PIGN: variants seen among roughly 807,000 people sequenced by gnomAD.
The protein encoded by PIGN is phosphatidylinositol glycan anchor biosynthesis class N, also known as GPI ethanolamine phosphate transferase 1.
In PIGN, 117 loss-of-function variants were observed where a neutral mutation model predicts 125.4. The observed-to-expected ratio is 0.93, with a 90% CI of 0.80 to 1.09. PIGN has a LOEUF of 1.09. Ranked by LOEUF, PIGN falls within the 50% of genes least tolerant of loss-of-function variation. The probability of loss-of-function intolerance (pLI) is 0.00; values close to 1 mark genes in which losing one functional copy is unlikely to be tolerated. For missense variants in PIGN, 1,075 were observed against 1,094.9 expected (o/e 0.98, Z 0.26); for synonymous variants, 392 against 377.8 (o/e 1.04, Z -0.44).
chr18:62,116,621 G>A (rs575258202), intron 14 of PIGN, among the ~76,000 whole-genome samples: 1 of 152,244 alleles, frequency 6.6e-6, no homozygotes, highest in Non-Finnish European at 1.5e-5. Context: ...TCAGTTAGTG[G>A]TCTAATGATC....
chr18:62,114,928 T>G (rs1251221820), intron 14 of PIGN, among the ~76,000 whole-genome samples: 1 of 152,148 alleles, frequency 6.6e-6, no homozygotes, highest in African/African-American at 2.4e-5. Flanking sequence ...ACAAAGAAAT[T>G]CTGATTAAAT....
chr18:62,089,333 C>T (rs1395366611), intron 24 of PIGN, among the ~76,000 whole-genome samples: 1 of 152,090 alleles, frequency 6.6e-6, no homozygotes, highest in East Asian at 1.9e-4. Flanking sequence ...TTTGGTAGAA[C>T]AGAAAGCCAC....
intron 29 of PIGN, among the ~76,000 whole-genome samples, chr18:62,073,698 C>A (rs2033017926): frequency 6.6e-6 from 1 of 152,172 alleles, no homozygotes; most frequent in African/African-American, 2.4e-5. Context: ...GTACTCTCAT[C>A]TAAACCGAGT....
intron 6 of PIGN, among the ~76,000 whole-genome samples, chr18:62,156,668 A>C (rs1321554387): frequency 6.6e-6 from 1 of 152,210 alleles, no homozygotes; most frequent in East Asian, 1.9e-4. Flanking sequence ...ACTAACTTTT[A>C]AAATAATTTA....
At chr18:62,165,659 G>A (rs1192335333) in intron 1 of PIGN, among the ~76,000 whole-genome samples, 1 of 152,170 alleles carries the variant, frequency 6.6e-6, no homozygotes, top group South Asian at 2.1e-4. Flanking sequence ...GACCTAGAGA[G>A]AGCCACTACT....
intron 1 of PIGN, among the ~76,000 whole-genome samples, chr18:62,175,714 G>C (rs2037502101): frequency 6.6e-6 from 1 of 152,176 alleles, no homozygotes; most frequent in Non-Finnish European, 1.5e-5. Flanking sequence ...GGCAATGACT[G>C]TGTTTCTGTT....
chr18:62,143,867 A>G (rs1449012860), intron 10 of PIGN, among the ~76,000 whole-genome samples: 1 of 152,230 alleles, frequency 6.6e-6, no homozygotes, highest in Non-Finnish European at 1.5e-5. Flanking sequence ...GTCTTCAAAG[A>G]TAGGCTCATT....
chr18:62,179,635 A>G (rs954093023), intron 1 of PIGN, among the ~76,000 whole-genome samples: 4 of 152,106 alleles, frequency 2.6e-5, no homozygotes, highest in Non-Finnish European at 4.4e-5. Flanking sequence ...AGTCCCAGCT[A>G]CTTGTGGGGC....
intron 22 of PIGN, among the ~76,000 whole-genome samples, chr18:62,098,733 ATCATTT>A (rs879675050): frequency 6.6e-6 from 1 of 152,150 alleles, no homozygotes; most frequent in Non-Finnish European, 1.5e-5. Flanking sequence ...CATGTCTTAC[ATCATTT>A]TGTAGGTATC....
chr18:62,026,228 G>A (rs557911130), intron 23 of PIGN, among the ~76,000 whole-genome samples: 5 of 152,096 alleles, frequency 3.3e-5, no homozygotes, highest in Admixed American at 1.3e-4. Context: ...CGCTAAGGAA[G>A]CATTCTAGCT....
chr18:62,090,328 A>T (rs1373677637), intron 24 of PIGN, 148 bp downstream of exon 24: 27 of 545,010 alleles, frequency 5.0e-5, no homozygotes, highest in Non-Finnish European at 8.5e-5. Context: ...TCTATTATTA[A>T]GTTTAACTTA....
intron 23 of PIGN, among the ~76,000 whole-genome samples, chr18:62,035,144 G>C (rs762693171): frequency 6.6e-6 from 1 of 152,146 alleles, no homozygotes; most frequent in African/African-American, 2.4e-5. Context: ...TGTGAGACAT[G>C]ACTTTGCTCC....
In PIGN at chr18:62,041,648, TG is replaced by T. The variant is rs2030383525; in HGVS notation, c.*4207del. Reference sequence around the variant, plus strand: ...AGCCTACCACCCCGCCGGGTGTGTGTGTGTGTGTGTGTGTGTGTGTGTGTGT... The same window carrying T: ...AGCCTACCACCCCGCCGGGTGTGTGTTGTGTGTGTGTGTGTGTGTGTGTGT... On this transcript the variant is annotated 3_prime_UTR_variant, in exon 31 of 31. Coordinates refer to ENST00000640252, the MANE Select transcript of PIGN (RefSeq NM_176787.5). The T allele has an allele frequency of 2.2e-4, 24 of 110,766 alleles. No homozygotes were observed. The highest frequency in any genetic ancestry group is 6.7e-4 in the African/African-American group (20 of 29,668). The allele number at this position is 110,766 out of a possible 1,614,324, so 6.9% of individuals were successfully genotyped here.
intron 23 of PIGN, among the ~76,000 whole-genome samples, chr18:62,091,402 A>G (rs745948177): frequency 4.6e-5 from 7 of 152,208 alleles, no homozygotes; most frequent in Non-Finnish European, 8.8e-5. Flanking sequence ...TATGCTCTCT[A>G]TAGGAATATA....
At chr18:62,111,451 C>T (rs1414752668) in intron 16 of PIGN, among the ~76,000 whole-genome samples, 1 of 152,026 alleles carries the variant, frequency 6.6e-6, no homozygotes, top group African/African-American at 2.4e-5. Context: ...TATCGTCACC[C>T]TAAAGTCAGC....
At chr18:62,126,949 T>G (rs2146912084) in intron 14 of PIGN, among the ~76,000 whole-genome samples, 1 of 152,306 alleles carries the variant, frequency 6.6e-6, no homozygotes, top group East Asian at 1.9e-4. Context: ...CCTTAATGAT[T>G]CAACTTCCAT....
rs1158425180 is a variant in PIGN, at chr18:62,101,187, A to G, written c.1969-4T>C. The G allele has an allele frequency of 1.3e-6, 2 of 1,529,538 alleles. No individual in the cohort carries two copies. The highest frequency in any genetic ancestry group is 1.8e-6 in the Non-Finnish European group (2 of 1,105,972). The allele number at this position is 1,529,538 out of a possible 1,614,324, so 94.7% of individuals were successfully genotyped here. ...TGGAGAGCACTGTGCTCAGCACCTA[A>G]AGACAAAGATGAAATAGGTTAAAAA... On this transcript the variant is annotated splice_polypyrimidine_tract_variant and splice_region_variant and intron_variant, in intron 21 of 30. Transcript: ENST00000640252.
chr18:62,184,146 CATGAGGTATTACTA>C, intron 1 of PIGN, among the ~76,000 whole-genome samples: 1 of 152,118 alleles, frequency 6.6e-6, no homozygotes, highest in Non-Finnish European at 1.5e-5. Context: ...AACAATAAAA[CATGAGGTATTACTA>C]AAACCTCAAG....
intron 6 of PIGN, among the ~76,000 whole-genome samples, chr18:62,155,143 A>G (rs2036678130): frequency 6.6e-6 from 1 of 152,216 alleles, no homozygotes; most frequent in Admixed American, 6.5e-5. Context: ...TTCTAAGAGA[A>G]TAAATATTGC....
Sources: gnomAD v4.1 joint callset for allele counts (sites outside exome capture counted in the v4.1 genomes callset) on GRCh38, gnomAD v4.1.1 for gene constraint, MANE v1.5 for transcripts, NCBI Gene and HGNC (gene_info 2026-07-23, HGNC 2026-07-21) for gene names.